MYO5A: variants seen among roughly 807,000 people sequenced by gnomAD.
The protein encoded by MYO5A is unconventional myosin-Va.
MYO5A carries 98 observed loss-of-function variants against 249.7 expected under a neutral mutation model. The ratio of observed to expected loss-of-function variants is 0.39; its 90% confidence interval spans 0.33 to 0.46. The LOEUF (loss-of-function observed/expected upper bound fraction) is 0.46, where lower values mean the gene tolerates loss of function less well. Ranked by LOEUF, MYO5A falls within the 20% of genes least tolerant of loss-of-function variation. The pLI, the probability that MYO5A is intolerant of heterozygous loss-of-function variation, is 0.98. For synonymous variants in MYO5A, 778 were observed against 810.6 expected, an observed-to-expected ratio of 0.96 and a Z score of 0.68; for missense variants, 1,696 against 2,308.8, an observed-to-expected ratio of 0.73 and a Z score of 5.44.
rs181546285 is a variant in MYO5A, at chr15:52,448,894, C to T, written c.28-15609G>A. 8.8e-4 allele frequency among the ~76,000 whole-genome samples: 133 copies of T among 150,590 alleles called. 1 individual carries two copies. Among genetic ancestry groups the T allele is most frequent in the African/African-American group, 3.1e-3 (126 of 40,946 alleles). Reference sequence around the variant, plus strand: ...ATGTGGAATCGGGAGCCAATCAAACCTCTTTTCTTTATTAAGTACCCAGTC... The same window carrying T: ...ATGTGGAATCGGGAGCCAATCAAACTTCTTTTCTTTATTAAGTACCCAGTC... On this transcript the variant is annotated intron_variant, in intron 1 of 41. Transcript: ENST00000399233.
intron 1 of MYO5A, among the ~76,000 whole-genome samples, chr15:52,444,291 T>G (rs2075844461): frequency 6.6e-6 from 1 of 152,152 alleles, no homozygotes; most frequent in Admixed American, 6.6e-5. Context: ...TATAATTAGC[T>G]GGTGGTATTT....
At chr15:52,407,107 G>C (rs565670380) in intron 8 of MYO5A, among the ~76,000 whole-genome samples, 185 bp downstream of exon 8, 1 of 152,202 alleles carries the variant, frequency 6.6e-6, no homozygotes, top group African/African-American at 2.4e-5. Context: ...TCTAATTCTA[G>C]AACAGTTCCA....
rs2041160651 is a variant in MYO5A, at chr15:52,372,201, A to T, written c.2740T>A (p.Ser914Thr). Residue 914 changes from serine to threonine, a missense_variant, in exon 21 of 42, where the codon TCA (serine) becomes ACA (threonine). This residue lies in a region of MYO5A where 412 missense variants were observed against 453.3 expected (regional missense o/e 0.91). Transcript: ENST00000399233. ...ELKKLKIEAR[S>T]VERYKKLHIG... ...TGCAGCTTCTTATAGCGCTCCACTG[A>T]GCGAGCCTCGATTTTGAGCTTCTTT... 2 of 1,613,524 alleles carry T rather than the reference A, an allele frequency of 1.2e-6. No homozygotes were observed. Among genetic ancestry groups the T allele is most frequent in the Admixed American group, 1.7e-5 (1 of 59,998 alleles).
chr15:52,371,603 T>C (rs1166842782), intron 21 of MYO5A, among the ~76,000 whole-genome samples: 3 of 151,998 alleles, frequency 2.0e-5, no homozygotes, highest in South Asian at 2.1e-4. Flanking sequence ...AAAAATAATT[T>C]CCTGCCAGGC....
intron 1 of MYO5A, among the ~76,000 whole-genome samples, chr15:52,475,581 T>C (rs1191291703): frequency 3.3e-5 from 5 of 152,226 alleles, no homozygotes; most frequent in Admixed American, 3.3e-4. Context: ...GATTCTGGTA[T>C]GTTGTGTCTT....
intron 4 of MYO5A, among the ~76,000 whole-genome samples, chr15:52,421,849 T>C (rs1312577033): frequency 2.0e-5 from 3 of 152,192 alleles, no homozygotes; most frequent in African/African-American, 7.2e-5. Context: ...ATATGATTAG[T>C]TATTGGTAGA....
chr15:52,465,551 G>A (rs1292831301), intron 1 of MYO5A, among the ~76,000 whole-genome samples: 2 of 152,112 alleles, frequency 1.3e-5, no homozygotes, highest in African/African-American at 4.8e-5. Context: ...CAGCTACTTG[G>A]GAGGCTAGGG....
At chr15:52,414,225 C>G (rs542818267) in intron 5 of MYO5A, among the ~76,000 whole-genome samples, 1 of 152,280 alleles carries the variant, frequency 6.6e-6, no homozygotes, top group East Asian at 1.9e-4. Context: ...CTGTGACATT[C>G]TCTGCCATGT....
chr15:52,403,404 G>C (rs1221111959), intron 9 of MYO5A, among the ~76,000 whole-genome samples: 1 of 152,162 alleles, frequency 6.6e-6, no homozygotes, highest in Non-Finnish European at 1.5e-5. Context: ...ATAAAGTATT[G>C]ACACGTGCTA....
intron 1 of MYO5A, among the ~76,000 whole-genome samples, chr15:52,491,410 G>T (rs2076933486): frequency 6.6e-6 from 1 of 152,084 alleles, no homozygotes. Flanking sequence ...TGTTTTTATA[G>T]AGTCTTTAAA....
chr15:52,327,848 T>A lies in MYO5A; in HGVS notation c.4710+4A>T, dbSNP rs1399569950. 1 of 1,612,772 alleles carries A rather than the reference T, an allele frequency of 6.2e-7. No homozygotes were observed. Among genetic ancestry groups the A allele is most frequent in the African/African-American group, 1.3e-5 (1 of 75,014 alleles). On this transcript the variant is annotated splice_donor_region_variant and intron_variant, in intron 36 of 41. Transcript: ENST00000399233. ...GATGAGAATTTTGTTGAACAGGAACTGACCTTCAATACTTTTTTGATGCTG... is the reference window on the plus strand; with the variant it reads ...GATGAGAATTTTGTTGAACAGGAACAGACCTTCAATACTTTTTTGATGCTG...
chr15:52,391,285 T>C (rs1386913419), intron 12 of MYO5A, among the ~76,000 whole-genome samples: 8 of 152,212 alleles, frequency 5.3e-5, no homozygotes, highest in Non-Finnish European at 8.8e-5. Flanking sequence ...GGTTTGCATT[T>C]TTTAAAATCT....
At chr15:52,446,204 G>C (rs2075887106) in intron 1 of MYO5A, among the ~76,000 whole-genome samples, 1 of 152,236 alleles carries the variant, frequency 6.6e-6, no homozygotes, top group Non-Finnish European at 1.5e-5. Flanking sequence ...AGAGGGCCAG[G>C]CCTAGGGCCC....
intron 1 of MYO5A, among the ~76,000 whole-genome samples, chr15:52,522,926 G>A (rs954190678): frequency 6.6e-6 from 1 of 151,332 alleles, no homozygotes; most frequent in Non-Finnish European, 1.5e-5. Context: ...GAATCTCTCT[G>A]TAATCTTTTC....
intron 1 of MYO5A, among the ~76,000 whole-genome samples, chr15:52,464,726 T>A (rs1465726412): frequency 6.6e-6 from 1 of 152,234 alleles, no homozygotes; most frequent in Non-Finnish European, 1.5e-5. Context: ...CAGTTTGGCC[T>A]ATATACTGCA....
chr15:52,406,976 T>C (rs571603579), intron 8 of MYO5A, among the ~76,000 whole-genome samples: 12 of 152,224 alleles, frequency 7.9e-5, no homozygotes, highest in African/African-American at 2.6e-4. Context: ...CAAGTAGCCC[T>C]CCCCTGATGC....
intron 16 of MYO5A, among the ~76,000 whole-genome samples, chr15:52,381,806 A>ACACG (rs2041754839): frequency 6.6e-6 from 1 of 152,020 alleles, no homozygotes; most frequent in Non-Finnish European, 1.5e-5. Flanking sequence ...ACACACACAC[A>ACACG]CACGGAGCAT....
chr15:52,495,440 T>C (rs1387987614), intron 1 of MYO5A, among the ~76,000 whole-genome samples: 2 of 152,194 alleles, frequency 1.3e-5, no homozygotes, highest in African/African-American at 2.4e-5. Context: ...ACACAAAATT[T>C]CAGTTAGACA....
chr15:52,437,796 T>C (rs889301941), intron 1 of MYO5A, among the ~76,000 whole-genome samples: 8 of 152,134 alleles, frequency 5.3e-5, no homozygotes, highest in Non-Finnish European at 1.2e-4. Context: ...CCAGCTCAGA[T>C]TTCCACAAGT....
Sources: allele counts gnomAD v4.1 joint callset (sites outside exome capture counted in the v4.1 genomes callset), GRCh38; gene constraint gnomAD v4.1.1; regional missense constraint gnomAD v4.1.1; transcripts MANE v1.5; gene names NCBI Gene and HGNC (gene_info 2026-07-23, HGNC 2026-07-21).